IQGAP2: variants seen among roughly 807,000 people sequenced by gnomAD.
IQGAP2 encodes ras GTPase-activating-like protein IQGAP2.
A neutral mutation model predicts 201.3 loss-of-function variants in IQGAP2; 173 were observed. That is an observed-to-expected ratio of 0.86 (90% confidence interval 0.76 to 0.98). The LOEUF is 0.98. Among genes scored for constraint, IQGAP2 ranks in the 50% least tolerant of loss-of-function variants. The pLI, the probability that IQGAP2 is intolerant of heterozygous loss-of-function variation, is 0.00. For synonymous variants in IQGAP2, 675 were observed against 673.9 expected, an observed-to-expected ratio of 1.00 and a Z score of -0.03; for missense variants, 1,687 against 1,864.8, an observed-to-expected ratio of 0.90 and a Z score of 1.76.
chr5:76,674,140 A>G (rs1339927140), intron 26 of IQGAP2, 104 bp downstream of exon 26: 9 of 704,054 alleles, frequency 1.3e-5, no homozygotes, highest in Admixed American at 4.9e-5. Context: ...GATTATTTAT[A>G]ATAAGCTGCA....
intron 2 of IQGAP2, among the ~76,000 whole-genome samples, chr5:76,544,175 G>C (rs1270386895): frequency 2.6e-5 from 4 of 152,150 alleles, no homozygotes; most frequent in Non-Finnish European, 5.9e-5. Context: ...AATGTCTGCT[G>C]CTCTGACCAA....
chr5:76,652,974 T>C (rs2455215), intron 18 of IQGAP2, 141 bp downstream of exon 18: 314,960 of 620,442 alleles, frequency 0.51, 83,035 homozygotes, highest in Middle Eastern at 0.57. Context: ...TGAATCCCAG[T>C]TCTGCTGCTC....
rs1047379269 is a variant in IQGAP2, at chr5:76,611,244, G to A, written c.1521+61G>A. ...CAGGCTGGGTGGCAGAGGGAGAGAA[G>A]GAGGAGGATTTGACCCATTTACGTT... is the stretch of plus-strand genomic sequence containing the variant. On this transcript the variant is annotated intron_variant, in intron 13 of 35. Transcript: ENST00000274364. 3.8e-6 allele frequency: 5 copies of A among 1,320,856 alleles called. No individual in the cohort carries two copies. The African/African-American group carries it at 7.4e-5, about 19-fold the overall frequency. The allele number at this position is 1,320,856 out of a possible 1,614,324, so 81.8% of individuals were successfully genotyped here. A position where few individuals can be genotyped will look rare whatever the true frequency, so the allele number is the denominator to read the frequency against.
chr5:76,539,595 G>A lies in IQGAP2; in HGVS notation c.147-22801G>A, dbSNP rs371400465. 3.9e-5 allele frequency among the ~76,000 whole-genome samples: 6 copies of A among 152,132 alleles called. No homozygotes were observed. In the East Asian group the frequency reaches 9.6e-4, roughly 24 times the overall value. On this transcript the variant is annotated intron_variant, in intron 2 of 35. Transcript: ENST00000274364. Reference sequence around the variant, plus strand: ...AGTCCCCCAACCCCTACCTGGTTGGGGAAGCAGACAGTAACCTGCACTAGA... The same window carrying A: ...AGTCCCCCAACCCCTACCTGGTTGGAGAAGCAGACAGTAACCTGCACTAGA...
rs138560214 is a variant in IQGAP2, at chr5:76,702,228, A to T, written c.4506-254A>T. Among the ~76,000 whole-genome samples the T allele has an allele frequency of 4.9e-3, 739 of 152,310 alleles. 5 individuals carry two copies. The highest frequency in any genetic ancestry group is 0.016 in the African/African-American group (684 of 41,568). Reference sequence around the variant, plus strand: ...TATGCTCTTGAAGAGCAAGGACCGTATCTTCTATTTCTTTTGTAATAAAGC... The same window carrying T: ...TATGCTCTTGAAGAGCAAGGACCGTTTCTTCTATTTCTTTTGTAATAAAGC... On this transcript the variant is annotated intron_variant, in intron 34 of 35. Coordinates refer to ENST00000274364, the MANE Select transcript of IQGAP2 (RefSeq NM_006633.5).
At chr5:76,460,059 G>A (rs953834501) in intron 1 of IQGAP2, among the ~76,000 whole-genome samples, 3 of 152,188 alleles carry the variant, frequency 2.0e-5, no homozygotes, top group Non-Finnish European at 4.4e-5. Flanking sequence ...AAGGAGCCCT[G>A]ACAAATTGGC....
At chr5:76,550,084 A>G (rs989507635) in intron 2 of IQGAP2, among the ~76,000 whole-genome samples, 1 of 152,222 alleles carries the variant, frequency 6.6e-6, no homozygotes, top group Admixed American at 6.5e-5. Context: ...ACTCAAGTAT[A>G]TGATTCATCT....
intron 2 of IQGAP2, among the ~76,000 whole-genome samples, chr5:76,558,987 A>G (rs1424730616): frequency 4.7e-5 from 7 of 150,212 alleles, no homozygotes; most frequent in Non-Finnish European, 8.9e-5. Flanking sequence ...TGCAAGCTCC[A>G]CCTCCTGGGT....
chr5:76,544,110 T>C (rs1162549381), intron 2 of IQGAP2, among the ~76,000 whole-genome samples: 5 of 152,268 alleles, frequency 3.3e-5, no homozygotes, highest in African/African-American at 1.2e-4. Flanking sequence ...AGCCACGCTT[T>C]CCTGGCAGCC....
chr5:76,590,636 A>G, intron 8 of IQGAP2, 50 bp downstream of exon 8: 1 of 1,415,520 alleles, frequency 7.1e-7, no homozygotes, highest in Non-Finnish European at 9.6e-7. Context: ...CTTATGAGTT[A>G]CTAGTTTGAA....
At chr5:76,641,392 G>C (rs367855538) in intron 17 of IQGAP2, among the ~76,000 whole-genome samples, 7 of 152,226 alleles carry the variant, frequency 4.6e-5, no homozygotes, top group African/African-American at 1.7e-4. Context: ...CCTTGGATCA[G>C]AGTTGAAATC....
At chr5:76,543,156 C>G (rs553524268) in intron 2 of IQGAP2, among the ~76,000 whole-genome samples, 4 of 152,046 alleles carry the variant, frequency 2.6e-5, no homozygotes, top group African/African-American at 9.7e-5. Flanking sequence ...AAACCCAAGC[C>G]GGCCCAGAAC....
intron 2 of IQGAP2, among the ~76,000 whole-genome samples, chr5:76,511,915 C>T (rs539478243): frequency 3.7e-4 from 57 of 152,096 alleles, no homozygotes; most frequent in Middle Eastern, 6.8e-3. Context: ...CTCCTGACCT[C>T]GTGATCCGCC....
intron 1 of IQGAP2, among the ~76,000 whole-genome samples, chr5:76,459,971 T>C (rs1452371704): frequency 6.6e-6 from 1 of 152,146 alleles, no homozygotes; most frequent in East Asian, 1.9e-4. Context: ...CTATTCATTA[T>C]GGAGTAATGA....
chr5:76,693,968 G>T (rs1461269405), intron 31 of IQGAP2: 1 of 152,184 alleles, frequency 6.6e-6, no homozygotes, highest in Non-Finnish European at 1.5e-5. Flanking sequence ...ATACGTCATT[G>T]TTCGTTCTAA....
intron 2 of IQGAP2, among the ~76,000 whole-genome samples, chr5:76,523,360 GATT>G (rs1758800772): frequency 6.6e-6 from 1 of 152,026 alleles, no homozygotes; most frequent in African/African-American, 2.4e-5. Context: ...AAATTGCTGG[GATT>G]ACAGCCATTG....
chr5:76,550,246 A>T (rs1379258252), intron 2 of IQGAP2, among the ~76,000 whole-genome samples: 1 of 152,228 alleles, frequency 6.6e-6, no homozygotes, highest in East Asian at 1.9e-4. Context: ...GGTCCAAAGC[A>T]AGTCCAAAAC....
At chr5:76,439,697 T>C (rs1203324121) in intron 1 of IQGAP2, among the ~76,000 whole-genome samples, 2 of 152,218 alleles carry the variant, frequency 1.3e-5, no homozygotes, top group Non-Finnish European at 2.9e-5. Flanking sequence ...TCCATTTGCG[T>C]GGAATACCTT....
At position 76,673,961 on chromosome 5, in the gene IQGAP2, G is replaced by A; in HGVS notation, c.3219G>A (p.Leu1073=). The change falls in exon 26 of 36, where the codon TTG becomes TTA. Residue 1073 remains leucine (L), a synonymous_variant. Coordinates refer to ENST00000274364, the MANE Select transcript of IQGAP2 (RefSeq NM_006633.5). Reference sequence around the variant, plus strand: ...TCTGTTTTATATGTAGTTATGGATTGAGGTATATAGCCAAAGTACTGAAGA... The same window carrying A: ...TCTGTTTTATATGTAGTTATGGATTAAGGTATATAGCCAAAGTACTGAAGA... ...ISSLDLLPYG[L]RYIAKVLKNS... The A allele has an allele frequency of 6.3e-7, 1 of 1,577,354 alleles. No homozygotes were observed. The highest frequency in any genetic ancestry group is 8.7e-7 in the Non-Finnish European group (1 of 1,147,034).
Sources: allele counts gnomAD v4.1 joint callset (sites outside exome capture counted in the v4.1 genomes callset), GRCh38; gene constraint gnomAD v4.1.1; transcripts MANE v1.5; gene names NCBI Gene and HGNC (gene_info 2026-07-23, HGNC 2026-07-21).